The following NELL1 variants were observed in gnomAD, a reference collection of about 807,000 sequenced individuals.
The protein encoded by NELL1 is neural EGFL like 1, also known as protein kinase C-binding protein NELL1.
Under a neutral mutation model 107.4 loss-of-function variants are expected in NELL1, and 76 were observed. The ratio of observed to expected loss-of-function variants is 0.71; its 90% CI spans 0.59 to 0.86. NELL1 has a LOEUF of 0.86. Among genes scored for constraint, NELL1 ranks in the 40% least tolerant of loss-of-function variants. The pLI is 0.00. For missense variants in NELL1, 1,024 were observed against 1,005.5 expected, an observed-to-expected ratio of 1.02 and a Z score of -0.25; for synonymous variants, 353 against 341.2, an observed-to-expected ratio of 1.03 and a Z score of -0.38.
At chr11:20,704,941 A>G (rs1371192885) in intron 2 of NELL1, among the ~76,000 whole-genome samples, 6 of 152,202 alleles carry the variant, frequency 3.9e-5, no homozygotes, top group Non-Finnish European at 5.9e-5. Flanking sequence ...AATACCTAGG[A>G]ATCCAATTTA....
chr11:21,408,344 T>C (rs530792807), intron 15 of NELL1, among the ~76,000 whole-genome samples: 20 of 152,098 alleles, frequency 1.3e-4, no homozygotes, highest in African/African-American at 4.6e-4. Context: ...TAGAGAGAGT[T>C]CCAGAGTTTT....
At chr11:21,082,145 C>T (rs1209294067) in intron 12 of NELL1, among the ~76,000 whole-genome samples, 1 of 152,210 alleles carries the variant, frequency 6.6e-6, no homozygotes, top group African/African-American at 2.4e-5. Context: ...TCCTGGCACT[C>T]GGCATCAAAG....
At chr11:21,004,652 T>A (rs550373037) in intron 12 of NELL1, among the ~76,000 whole-genome samples, 46 of 152,218 alleles carry the variant, frequency 3.0e-4, no homozygotes, top group South Asian at 1.7e-3. Context: ...TGAAGTTTTT[T>A]AAATAATGCT....
At chr11:21,430,078 G>T (rs1852928746) in intron 15 of NELL1, among the ~76,000 whole-genome samples, 1 of 152,048 alleles carries the variant, frequency 6.6e-6, no homozygotes, top group African/African-American at 2.4e-5. Flanking sequence ...GTCTTCCTTT[G>T]TGTTTAGCAG....
intron 2 of NELL1, chr11:20,773,734 G>A (rs949253927): frequency 3.9e-5 from 6 of 152,176 alleles, no homozygotes; most frequent in African/African-American, 1.4e-4. Context: ...CTGACCTTAA[G>A]TGATCTGCCT....
intron 12 of NELL1, among the ~76,000 whole-genome samples, chr11:21,032,074 A>AATG (rs894504277): frequency 6.7e-6 from 1 of 149,082 alleles, no homozygotes; most frequent in African/African-American, 2.4e-5. Context: ...TAATAATAAT[A>AATG]ATAATAATAA....
chr11:21,198,564 CA>C (rs1355376143), intron 13 of NELL1, among the ~76,000 whole-genome samples: 1 of 152,194 alleles, frequency 6.6e-6, no homozygotes, highest in Non-Finnish European at 1.5e-5. Flanking sequence ...AGACTGCTGT[CA>C]GGAAGCTTAA....
At chr11:21,379,881 ATCAGCATCCATCTAT>A in intron 15 of NELL1, among the ~76,000 whole-genome samples, 1 of 152,104 alleles carries the variant, frequency 6.6e-6, no homozygotes, top group Non-Finnish European at 1.5e-5. Flanking sequence ...AGAGATCCCT[ATCAGCATCCATCTAT>A]TGGTAACTGC....
At chr11:20,787,748 A>C (rs1042751877) in intron 3 of NELL1, among the ~76,000 whole-genome samples, 3 of 152,208 alleles carry the variant, frequency 2.0e-5, no homozygotes, top group Non-Finnish European at 4.4e-5. Context: ...TATTTTTATA[A>C]TTCAGTAGCT....
At chr11:20,832,643 G>T in intron 3 of NELL1, among the ~76,000 whole-genome samples, 1 of 152,296 alleles carries the variant, frequency 6.6e-6, no homozygotes, top group African/African-American at 2.4e-5. Flanking sequence ...TGACATAGAA[G>T]CTGAGAATCA....
chr11:21,177,961 G>A (rs1856747035), intron 13 of NELL1, among the ~76,000 whole-genome samples: 1 of 151,614 alleles, frequency 6.6e-6, no homozygotes, highest in Non-Finnish European at 1.5e-5. Flanking sequence ...TAAAAATCAG[G>A]TTATTTGTTT....
rs371211635 is a variant in NELL1 at position 20,823,730 on chromosome 11, G to A, written c.336-23853G>A. ...CCAAGTATGTGGGAATCACAGGAGG[G>A]TAGCTATACTGTATGCCCTCTCTCA... On this transcript the variant is annotated intron_variant, in intron 3 of 19. Transcript: ENST00000357134. Among the ~76,000 whole-genome samples the A allele has an allele frequency of 6.0e-5, 9 of 151,076 alleles. No homozygotes were observed. The East Asian group carries it at 1.5e-3, about 26-fold the overall frequency.
intron 15 of NELL1, among the ~76,000 whole-genome samples, chr11:21,486,946 G>A (rs1029375988): frequency 1.3e-5 from 2 of 151,836 alleles, no homozygotes; most frequent in African/African-American, 4.8e-5. Flanking sequence ...AGAAAAGAAT[G>A]AACAAAGACT....
At chr11:20,682,833 A>T (rs1854221219) in intron 2 of NELL1, among the ~76,000 whole-genome samples, 2 of 152,176 alleles carry the variant, frequency 1.3e-5, no homozygotes, top group South Asian at 4.1e-4. Flanking sequence ...ATATAAATAG[A>T]ATCATACAGT....
chr11:21,147,946 C>T (rs1471277800), intron 13 of NELL1, among the ~76,000 whole-genome samples: 3 of 150,314 alleles, frequency 2.0e-5, no homozygotes, highest in Admixed American at 6.6e-5. Context: ...AGCAGAGGTA[C>T]CCTAATGGAA....
chr11:21,078,806 T>C (rs1375983516), intron 12 of NELL1, among the ~76,000 whole-genome samples: 1 of 152,170 alleles, frequency 6.6e-6, no homozygotes, highest in Non-Finnish European at 1.5e-5. Flanking sequence ...GATAGATTAG[T>C]TTTCCAAATC....
intron 15 of NELL1, among the ~76,000 whole-genome samples, chr11:21,497,718 T>G (rs1855019839): frequency 6.6e-6 from 1 of 152,148 alleles, no homozygotes; most frequent in Admixed American, 6.6e-5. Context: ...TTTTGTGTTT[T>G]TTTCTTCCTA....
At position 21,217,188 on chromosome 11, in the gene NELL1, A is replaced by G. The variant is rs565160313; in HGVS notation, c.1427-12144A>G. On this transcript the variant is annotated intron_variant, in intron 13 of 19. Coordinates refer to ENST00000357134, the MANE Select transcript of NELL1 (RefSeq NM_006157.5). ...AGGACATGTTTGCTTCCCCTTCTCCATGACTGTAAGTTTCCTGAGGCCTCC... is the reference window on the plus strand; with the variant it reads ...AGGACATGTTTGCTTCCCCTTCTCCGTGACTGTAAGTTTCCTGAGGCCTCC... 1.5e-3 allele frequency among the ~76,000 whole-genome samples: 227 copies of G among 152,240 alleles called. 2 individuals are homozygous for G. The highest frequency in any genetic ancestry group is 5.0e-3 in the African/African-American group (208 of 41,526).
intron 15 of NELL1, among the ~76,000 whole-genome samples, chr11:21,416,189 T>G (rs978721058): frequency 2.0e-5 from 3 of 152,102 alleles, no homozygotes; most frequent in African/African-American, 7.2e-5. Flanking sequence ...TACCCACCTC[T>G]TGACTGTAAT....
Sources: allele counts gnomAD v4.1 joint callset (sites outside exome capture counted in the v4.1 genomes callset), GRCh38; gene constraint gnomAD v4.1.1; transcripts MANE v1.5; gene names NCBI Gene and HGNC (gene_info 2026-07-23, HGNC 2026-07-21).